The following STXBP5L variants were observed in gnomAD, a reference collection of about 807,000 sequenced individuals.
STXBP5L encodes the protein syntaxin binding protein 5L, also known as syntaxin-binding protein 5-like.
A neutral mutation model predicts 144.5 loss-of-function variants in STXBP5L; 65 were observed. The observed-to-expected ratio is 0.45, with a 90% confidence interval of 0.37 to 0.55. STXBP5L has a LOEUF of 0.55. Ranked by LOEUF, STXBP5L falls within the 20% of genes least tolerant of loss-of-function variation. STXBP5L has a pLI of 0.00. For missense variants in STXBP5L, 1,298 were observed against 1,405.5 expected, an observed-to-expected ratio of 0.92 and a Z score of 1.22; for synonymous variants, 505 against 469.6, an observed-to-expected ratio of 1.08 and a Z score of -0.97.
chr3:121,026,551 A>T (rs1405024361), intron 3 of STXBP5L, among the ~76,000 whole-genome samples: 1 of 152,050 alleles, frequency 6.6e-6, no homozygotes, highest in South Asian at 2.1e-4. Flanking sequence ...AACAGTGCTC[A>T]ATGGTTTGGC....
intron 2 of STXBP5L, among the ~76,000 whole-genome samples, chr3:120,942,129 T>C (rs928577257): frequency 6.6e-6 from 1 of 151,776 alleles, no homozygotes; most frequent in Non-Finnish European, 1.5e-5. Context: ...TGTGTATAAA[T>C]AATTTTATGA....
intron 9 of STXBP5L, among the ~76,000 whole-genome samples, chr3:121,186,666 C>G (rs900256569): frequency 2.6e-5 from 4 of 152,174 alleles, no homozygotes; most frequent in Non-Finnish European, 5.9e-5. Flanking sequence ...GGTGGATAAG[C>G]TTTTTGATGT....
At chr3:121,064,529 G>A (rs919512037) in intron 5 of STXBP5L, among the ~76,000 whole-genome samples, 1 of 152,104 alleles carries the variant, frequency 6.6e-6, no homozygotes, top group South Asian at 2.1e-4. Context: ...GATCATTTTC[G>A]GGAGAACTGA....
chr3:121,189,819 G>C (rs1378006899), intron 9 of STXBP5L, among the ~76,000 whole-genome samples: 1 of 151,740 alleles, frequency 6.6e-6, no homozygotes, highest in Non-Finnish European at 1.5e-5. Flanking sequence ...TGAATAATTT[G>C]CGTGTGAATA....
intron 9 of STXBP5L, among the ~76,000 whole-genome samples, chr3:121,205,559 T>A (rs1433606639): frequency 6.6e-6 from 1 of 152,224 alleles, no homozygotes; most frequent in Non-Finnish European, 1.5e-5. Flanking sequence ...GTAATACATT[T>A]CATTATGTAG....
intron 2 of STXBP5L, among the ~76,000 whole-genome samples, chr3:120,951,344 AC>A (rs1311521737): frequency 2.6e-5 from 4 of 152,236 alleles, no homozygotes; most frequent in Non-Finnish European, 5.9e-5. Context: ...AGCAAAAGAA[AC>A]TACCATCAGA....
chr3:121,344,096 A>G (rs1208701316), intron 20 of STXBP5L, among the ~76,000 whole-genome samples: 1 of 151,816 alleles, frequency 6.6e-6, no homozygotes, highest in Non-Finnish European at 1.5e-5. Flanking sequence ...ATAACGCCAC[A>G]TATCTACAAC....
intron 2 of STXBP5L, among the ~76,000 whole-genome samples, chr3:120,952,106 G>A (rs2107690860): frequency 6.8e-6 from 1 of 148,126 alleles, no homozygotes; most frequent in African/African-American, 2.5e-5. Flanking sequence ...ATTGAACAAT[G>A]AGAACACATG....
At chr3:121,052,737 T>C (rs1233902031) in intron 5 of STXBP5L, among the ~76,000 whole-genome samples, 4 of 151,896 alleles carry the variant, frequency 2.6e-5, no homozygotes, top group Non-Finnish European at 5.9e-5. Flanking sequence ...TGTTGGAAGT[T>C]CTGGCCAGGG....
intron 20 of STXBP5L, among the ~76,000 whole-genome samples, chr3:121,340,960 A>G (rs1361763214): frequency 1.3e-5 from 2 of 152,124 alleles, no homozygotes; most frequent in African/African-American, 2.4e-5. Context: ...ATTATAAGAT[A>G]TTATTTGCAA....
chr3:121,113,568 A>G (rs905120858), intron 5 of STXBP5L, among the ~76,000 whole-genome samples: 1 of 152,086 alleles, frequency 6.6e-6, no homozygotes, highest in African/African-American at 2.4e-5. Flanking sequence ...TGAATAATAT[A>G]TGAAGTTTGG....
chr3:121,006,104 C>T (rs886440665), intron 3 of STXBP5L, among the ~76,000 whole-genome samples: 15 of 152,032 alleles, frequency 9.9e-5, no homozygotes, highest in African/African-American at 3.4e-4. Context: ...TCCTGGGTAT[C>T]CTTGTTAACT....
intron 20 of STXBP5L, among the ~76,000 whole-genome samples, chr3:121,348,309 A>G (rs1177018362): frequency 6.6e-6 from 1 of 152,174 alleles, no homozygotes; most frequent in African/African-American, 2.4e-5. Flanking sequence ...GATGAAGTCC[A>G]CTTGACCATG....
intron 19 of STXBP5L, among the ~76,000 whole-genome samples, chr3:121,311,444 G>C (rs890196003): frequency 1.3e-5 from 2 of 152,194 alleles, no homozygotes; most frequent in Admixed American, 6.5e-5. Context: ...TAAATTAAAA[G>C]TGTGGTATAT....
rs117696483 is a variant in STXBP5L at position 120,933,839 on chromosome 3, C to T, written c.190-21101C>T. Among the ~76,000 whole-genome samples, 4 of 152,086 alleles carry T rather than the reference C, an allele frequency of 2.6e-5. No individual in the cohort carries two copies. In the East Asian group the frequency reaches 7.7e-4, roughly 29 times the overall value. On this transcript the variant is annotated intron_variant, in intron 2 of 26. Transcript: ENST00000471454. The stretch of plus-strand genomic sequence containing the variant: ...CTAGGATTAAAGATCATTTAGGAAC[C>T]AGTAGCAAAACGAATTCAATACCAG...
At chr3:120,986,485 T>C (rs1274222896) in intron 3 of STXBP5L, among the ~76,000 whole-genome samples, 1 of 152,024 alleles carries the variant, frequency 6.6e-6, no homozygotes, top group Non-Finnish European at 1.5e-5. Context: ...ACTACTATCA[T>C]AGAACTGTCT....
chr3:121,391,996 A>G (rs1487240785), intron 22 of STXBP5L, among the ~76,000 whole-genome samples: 1 of 152,174 alleles, frequency 6.6e-6, no homozygotes, highest in Non-Finnish European at 1.5e-5. Context: ...TTTTTCAGCT[A>G]TGCCCTGCCC....
chr3:121,227,088 C>T (rs1326384612), intron 11 of STXBP5L, among the ~76,000 whole-genome samples: 1 of 151,958 alleles, frequency 6.6e-6, no homozygotes, highest in Admixed American at 6.6e-5. Flanking sequence ...TAAGAATATT[C>T]ATTTATAGCT....
intron 3 of STXBP5L, among the ~76,000 whole-genome samples, chr3:121,012,142 G>A (rs1028406073): frequency 6.6e-6 from 1 of 151,830 alleles, no homozygotes; most frequent in East Asian, 1.9e-4. Flanking sequence ...ATCAATACTT[G>A]ATTTTTTTAT....
Sources: allele counts gnomAD v4.1 joint callset (sites outside exome capture counted in the v4.1 genomes callset), GRCh38; gene constraint gnomAD v4.1.1; transcripts MANE v1.5; gene names NCBI Gene and HGNC (gene_info 2026-07-23, HGNC 2026-07-21).